The following GLIS2 variants were observed in gnomAD, a reference collection of about 807,000 sequenced individuals.
The protein encoded by GLIS2 is zinc finger protein GLIS2.
Under a neutral mutation model 35.6 loss-of-function variants are expected in GLIS2, and 14 were observed. The observed-to-expected ratio is 0.39, with a 90% CI of 0.26 to 0.61. The LOEUF (loss-of-function observed/expected upper bound fraction) is 0.61, where lower values mean the gene tolerates loss of function less well. Ranked by LOEUF, GLIS2 falls within the 20% of genes least tolerant of loss-of-function variation. GLIS2 has a pLI of 0.48. For synonymous variants in GLIS2, 368 were observed against 325.1 expected, an observed-to-expected ratio of 1.13 and a Z score of -1.42; for missense variants, 675 against 713.4, an observed-to-expected ratio of 0.95 and a Z score of 0.61.
In GLIS2 at chr16:4,319,484, C is replaced by T. The variant is rs572331521; in HGVS notation, c.-67+3230C>T. ...GATGGGTTGAGGCCCTGATGTGTATCTGGGGGTTCACGTCTCTGGGAACTT... is the reference window on the plus strand; with the variant it reads ...GATGGGTTGAGGCCCTGATGTGTATTTGGGGGTTCACGTCTCTGGGAACTT... On this transcript the variant is annotated intron_variant, in intron 1 of 6. Coordinates refer to ENST00000433375, the MANE Select transcript of GLIS2 (RefSeq NM_032575.3). Among the ~76,000 whole-genome samples the T allele has an allele frequency of 3.3e-5, 5 of 152,288 alleles. No homozygotes were observed. The South Asian group carries it at 1.0e-3, about 32-fold the overall frequency.
At position 4,336,950 on chromosome 16, in the gene GLIS2, C is replaced by A. The variant is rs1383390600; in HGVS notation, c.1001C>A (p.Pro334His). The change falls in exon 7 of 7, where the codon CCC becomes CAC. Residue 334 changes from proline (P) to histidine (H), a missense_variant. Pro to His is a moderately conservative substitution (Grantham distance 77). This residue lies in a region of GLIS2 where 317 missense variants were observed against 283.2 expected (regional missense o/e 1.12). Transcript: ENST00000433375. The stretch of plus-strand genomic sequence containing the variant: ...CAAGAGCTCCTGCAGCTGCGCCCAC[C>A]CCCCAAGCCGCCACTGCCCGCCCCC... ...EQQELLQLRP[P>H]PKPPLPAPDG... is the part of the protein sequence containing the mutation. 2.5e-6 allele frequency: 4 copies of A among 1,610,672 alleles called. No individual in the cohort carries two copies. Among genetic ancestry groups the A allele is most frequent in the Non-Finnish European group, 8.5e-7 (1 of 1,179,364 alleles).
chr16:4,333,261 G>A, intron 2 of GLIS2, 86 bp from the exon 3 acceptor site: 2 of 1,493,346 alleles, frequency 1.3e-6, no homozygotes, highest in Non-Finnish European at 1.8e-6. Context: ...CTGCTCCCAA[G>A]GTCACAGTGG....
chr16:4,336,550 G>C, intron 6 of GLIS2, 175 bp from the exon 7 acceptor site: 2 of 712,704 alleles, frequency 2.8e-6, no homozygotes, highest in East Asian at 5.4e-5. Flanking sequence ...TTCAGCCTCT[G>C]TGCCCTGCCT....
At chr16:4,319,769 T>G (rs900928762) in intron 1 of GLIS2, among the ~76,000 whole-genome samples, 1 of 151,868 alleles carries the variant, frequency 6.6e-6, no homozygotes, top group Admixed American at 6.6e-5. Context: ...GGTGGCAGGG[T>G]CTGCAGGGCA....
At chr16:4,326,887 G>A (rs2053436686) in intron 1 of GLIS2, among the ~76,000 whole-genome samples, 1 of 151,652 alleles carries the variant, frequency 6.6e-6, no homozygotes, top group African/African-American at 2.4e-5. Context: ...CAGCCTCCCG[G>A]GTAGCTGGAA....
chr16:4,334,686 C>A (rs2053531106), intron 3 of GLIS2, 115 bp from the exon 4 acceptor site: 2 of 1,235,262 alleles, frequency 1.6e-6, no homozygotes, highest in Admixed American at 1.7e-5. Flanking sequence ...CAGGTAGGGG[C>A]TGGGGAGAAG....
intron 1 of GLIS2, among the ~76,000 whole-genome samples, chr16:4,321,812 G>A (rs529106309): frequency 6.6e-6 from 1 of 152,328 alleles, no homozygotes; most frequent in African/African-American, 2.4e-5. Context: ...TGGATACCAG[G>A]GCCAGTGGGA....
chr16:4,330,609 G>A (rs2053488145), intron 1 of GLIS2, among the ~76,000 whole-genome samples: 1 of 152,254 alleles, frequency 6.6e-6, no homozygotes, highest in South Asian at 2.1e-4. Flanking sequence ...TTGGTGGTGA[G>A]CGTGGCTACC....
chr16:4,337,628 GCAGCCCCAGCC>G lies in GLIS2; in HGVS notation c.*111_*121del. On this transcript the variant is annotated 3_prime_UTR_variant, in exon 7 of 7. Transcript: ENST00000433375. ...ATAGCAATAATGTCCTACTGCCCGG[GCAGCCCCAGCC>G]CAGCCCGCCGGGAGCAAGGATGGTG... is the stretch of plus-strand genomic sequence containing the variant. 6.7e-7 allele frequency: 1 copy of G among 1,491,756 alleles called. No individual in the cohort carries two copies. Among genetic ancestry groups the G allele is most frequent in the Non-Finnish European group, 9.0e-7 (1 of 1,108,828 alleles). The allele number at this position is 1,491,756 out of a possible 1,614,324, so 92.4% of individuals were successfully genotyped here. A position where few individuals can be genotyped will look rare whatever the true frequency, so the allele number is the denominator to read the frequency against.
chr16:4,337,267 G>A lies in GLIS2; in HGVS notation c.1318G>A (p.Gly440Ser), dbSNP rs901823188. Residue 440 changes from glycine (G) to serine (S), a missense_variant, in exon 7 of 7, where the codon GGC (glycine) becomes AGC (serine). Gly to Ser is a moderately conservative substitution (Grantham distance 56, BLOSUM62 0). Transcript: ENST00000433375. ...CTCCCTCCTTGCTGGCGCAGCTGGT[G>A]GCAAGGCCGAGGGGGAGAAGGGGCG... ...VVSLLAGAAG[G>S]KAEGEKGRGS... 28 of 1,549,594 alleles carry A rather than the reference G, an allele frequency of 1.8e-5. No individual in the cohort carries two copies. Among genetic ancestry groups the A allele is most frequent in the Non-Finnish European group, 2.4e-5 (28 of 1,147,994 alleles).
intron 1 of GLIS2, among the ~76,000 whole-genome samples, chr16:4,322,539 G>A (rs924209524): frequency 3.9e-5 from 6 of 152,110 alleles, no homozygotes; most frequent in African/African-American, 1.4e-4. Context: ...GCGCCGACCC[G>A]CAGGGCTCCC....
intron 1 of GLIS2, among the ~76,000 whole-genome samples, chr16:4,327,382 C>A (rs12709116): frequency 1.3e-5 from 2 of 152,172 alleles, no homozygotes; most frequent in East Asian, 3.9e-4. Flanking sequence ...GGTCCTTTAC[C>A]CCCTCTGGTG....
At chr16:4,330,912 A>C (rs899215732) in intron 1 of GLIS2, among the ~76,000 whole-genome samples, 2 of 152,226 alleles carry the variant, frequency 1.3e-5, no homozygotes, top group Non-Finnish European at 2.9e-5. Context: ...GGTTTACCAG[A>C]ATGAGGGCAA....
At chr16:4,328,487 T>A (rs2053462236) in intron 1 of GLIS2, 1 of 152,214 alleles carries the variant, frequency 6.6e-6, no homozygotes, top group Non-Finnish European at 1.5e-5. Context: ...CCCTCTGGGG[T>A]GGGGCCTCCA....
chr16:4,327,562 G>A (rs1397107316), intron 1 of GLIS2, among the ~76,000 whole-genome samples: 1 of 152,180 alleles, frequency 6.6e-6, no homozygotes, highest in Non-Finnish European at 1.5e-5. Context: ...CGGGGACTGC[G>A]GGCGGGGGGC....
chr16:4,332,418 C>T lies in GLIS2; in HGVS notation c.138C>T (p.Ser46=), dbSNP rs2141130578. ...LHRELGLVDD[S]PTPGSPGSPP... is the part of the protein sequence containing the mutation. ...GGGAGCTGGGCCTGGTGGATGACAG[C>T]CCCACACCTGGCTCTCCAGGCTCCC... is the stretch of plus-strand genomic sequence containing the variant. The change falls in exon 2 of 7, where the codon AGC becomes AGT. Residue 46 remains serine, a synonymous_variant. Coordinates refer to ENST00000433375, the MANE Select transcript of GLIS2 (RefSeq NM_032575.3). This position sits in a 1 kb window ranked among gnomAD's most constrained non-coding sequence, Gnocchi z 5.4. 2.5e-6 allele frequency: 4 copies of T among 1,612,582 alleles called. No individual in the cohort carries two copies. The highest frequency in any genetic ancestry group is 2.5e-6 in the Non-Finnish European group (3 of 1,179,994).
chr16:4,337,264 G>A lies in GLIS2; in HGVS notation c.1315G>A (p.Gly439Ser), dbSNP rs1162687608. ...GGTCTCCCTCCTTGCTGGCGCAGCT[G>A]GTGGCAAGGCCGAGGGGGAGAAGGG... is the stretch of plus-strand genomic sequence containing the variant. ...PVVSLLAGAA[G>S]GKAEGEKGRG... Residue 439 changes from glycine to serine, a missense_variant, in exon 7 of 7, where the codon GGT (glycine) becomes AGT (serine). Gly to Ser is a moderately conservative substitution (Grantham distance 56, BLOSUM62 0). Around this residue, in one of 3 missense-constraint regions of GLIS2, gnomAD observed 317 missense variants for 283.2 expected, o/e 1.12. Transcript: ENST00000433375. 3 of 1,549,314 alleles carry A rather than the reference G, an allele frequency of 1.9e-6. No individual in the cohort carries two copies. Among genetic ancestry groups the A allele is most frequent in the South Asian group, 1.2e-5 (1 of 84,144 alleles).
At position 4,333,330 on chromosome 16, in the gene GLIS2, C is replaced by A. The variant is rs370239986; in HGVS notation, c.173-17C>A. ...ACTCTACACTCCAGCACACCCTGAACTGTGCCTCTCCCTCAGGCTTCCTGC... is the reference window on the plus strand; with the variant it reads ...ACTCTACACTCCAGCACACCCTGAAATGTGCCTCTCCCTCAGGCTTCCTGC... On this transcript the variant is annotated splice_polypyrimidine_tract_variant and intron_variant, in intron 2 of 6. Coordinates refer to ENST00000433375, the MANE Select transcript of GLIS2 (RefSeq NM_032575.3). 1 of 1,612,606 alleles carries A rather than the reference C, an allele frequency of 6.2e-7. No individual in the cohort carries two copies. Among genetic ancestry groups the A allele is most frequent in the Non-Finnish European group, 8.5e-7 (1 of 1,179,976 alleles).
intron 3 of GLIS2, among the ~76,000 whole-genome samples, chr16:4,333,859 C>A (rs1439275310): frequency 6.6e-6 from 1 of 151,972 alleles, no homozygotes; most frequent in Non-Finnish European, 1.5e-5. Flanking sequence ...ACACCTGTAA[C>A]CCCAGCACTT....
Sources: allele counts gnomAD v4.1 joint callset (sites outside exome capture counted in the v4.1 genomes callset), GRCh38; gene constraint gnomAD v4.1.1; regional missense constraint gnomAD v4.1.1; non-coding constraint Gnocchi (gnomAD v3.1); transcripts MANE v1.5; gene names NCBI Gene and HGNC (gene_info 2026-07-23, HGNC 2026-07-21).